Variants in ENTREP2 observed in about 807,000 individuals in gnomAD.
The protein encoded by ENTREP2 is endosomal transmembrane epsin interactor 2, also known as protein ENTREP2.
chr15:29,583,040 T>C, the ENTREP2 span, among the ~76,000 whole-genome samples: 4 of 152,196 alleles, frequency 2.6e-5, no homozygotes, highest in South Asian at 6.2e-4. Flanking sequence ...CCAAAATATA[T>C]TGGAATAAAA....
chr15:29,663,294 C>A, the ENTREP2 span, among the ~76,000 whole-genome samples: 4 of 151,968 alleles, frequency 2.6e-5, no homozygotes, highest in East Asian at 4.0e-4. Context: ...CCAAGGCGGG[C>A]GGATCACCTG....
chr15:29,286,015 TAACAA>T, the ENTREP2 span, among the ~76,000 whole-genome samples: 87 of 152,256 alleles, frequency 5.7e-4, 1 homozygote, highest in African/African-American at 1.9e-3. Context: ...TTTTTTAAAC[TAACAA>T]AACAAAATTT....
chr15:29,669,429 C>T, the ENTREP2 span, among the ~76,000 whole-genome samples: 1 of 152,190 alleles, frequency 6.6e-6, no homozygotes, highest in Non-Finnish European at 1.5e-5. Flanking sequence ...TGGGACTCTA[C>T]AGAGTCCCCA....
the ENTREP2 span, among the ~76,000 whole-genome samples, chr15:29,387,725 C>T: frequency 1.3e-5 from 2 of 152,164 alleles, no homozygotes; most frequent in Non-Finnish European, 2.9e-5. Flanking sequence ...AACTATACTA[C>T]AAGGCTACAG....
the ENTREP2 span, among the ~76,000 whole-genome samples, chr15:29,248,325 G>T: frequency 1.5e-4 from 23 of 151,924 alleles, no homozygotes; most frequent in Non-Finnish European, 2.8e-4. Flanking sequence ...TGATTCTAAG[G>T]TAAGATTACA....
the ENTREP2 span, among the ~76,000 whole-genome samples, chr15:29,303,552 T>C: frequency 6.6e-6 from 1 of 152,106 alleles, no homozygotes; most frequent in Non-Finnish European, 1.5e-5. Context: ...CTAAATGGCA[T>C]GTTGTTGGGG....
the ENTREP2 span, chr15:29,376,532 C>T: frequency 6.7e-6 from 1 of 149,546 alleles, no homozygotes; most frequent in Non-Finnish European, 1.5e-5. Context: ...TAGAAAGGCA[C>T]TTATAAAACA....
the ENTREP2 span, among the ~76,000 whole-genome samples, chr15:29,463,681 G>C: frequency 6.6e-6 from 1 of 152,124 alleles, no homozygotes; most frequent in African/African-American, 2.4e-5. Context: ...TGATTTCCAT[G>C]TGACACAGCA....
chr15:29,537,379 A>G, the ENTREP2 span, among the ~76,000 whole-genome samples: 1 of 152,174 alleles, frequency 6.6e-6, no homozygotes, highest in Admixed American at 6.5e-5. Context: ...ATATACAACC[A>G]AAAGCACACA....
chr15:29,505,617 G>T, the ENTREP2 span, among the ~76,000 whole-genome samples: 1 of 152,200 alleles, frequency 6.6e-6, no homozygotes, highest in Non-Finnish European at 1.5e-5. The surrounding 1 kb of genome is among the most constrained non-coding windows in gnomAD (Gnocchi z 4.3). Flanking sequence ...GGCAAACAGG[G>T]TCTGGAGTGG....
the ENTREP2 span, among the ~76,000 whole-genome samples, chr15:29,315,492 A>G: frequency 6.6e-6 from 1 of 152,246 alleles, no homozygotes; most frequent in South Asian, 2.1e-4. Context: ...AGTAGTACTG[A>G]TAAATCCAGA....
chr15:29,285,125 T>C, the ENTREP2 span, among the ~76,000 whole-genome samples: 1 of 152,202 alleles, frequency 6.6e-6, no homozygotes, highest in East Asian at 1.9e-4. Flanking sequence ...CTACGTTTTC[T>C]CAATTTCAAA....
the ENTREP2 span, chr15:29,268,872 C>A: frequency 2.5e-6 from 4 of 1,614,136 alleles, no homozygotes; most frequent in Non-Finnish European, 3.4e-6. Flanking sequence ...ACTGCGCTGG[C>A]CAGTCCTTGG....
At chr15:29,185,395 T>C in the ENTREP2 span, among the ~76,000 whole-genome samples, 1 of 152,174 alleles carries the variant, frequency 6.6e-6, no homozygotes, top group Non-Finnish European at 1.5e-5. Context: ...CTCACTTACC[T>C]GTCATGAAAA....
the ENTREP2 span, among the ~76,000 whole-genome samples, chr15:29,657,097 G>C: frequency 6.6e-6 from 1 of 152,126 alleles, no homozygotes; most frequent in African/African-American, 2.4e-5. Context: ...CCTCACGCCA[G>C]AGGGCAGTGG....
chr15:29,281,597 G>C, the ENTREP2 span, among the ~76,000 whole-genome samples: 7 of 152,236 alleles, frequency 4.6e-5, no homozygotes, highest in African/African-American at 1.7e-4. Flanking sequence ...TGGCAGAGGG[G>C]AAAGCTGGAA....
chr15:29,662,174 G>T, the ENTREP2 span, among the ~76,000 whole-genome samples: 1 of 130,688 alleles, frequency 7.7e-6, no homozygotes, highest in South Asian at 2.4e-4. Context: ...TCGTGCAACC[G>T]CATTCCAGCC....
the ENTREP2 span, among the ~76,000 whole-genome samples, chr15:29,358,014 G>A: frequency 6.6e-6 from 1 of 152,014 alleles, no homozygotes. Context: ...AGTTGCTTTG[G>A]GAAAACCATG....
chr15:29,252,890 C>T, the ENTREP2 span, among the ~76,000 whole-genome samples: 1 of 152,200 alleles, frequency 6.6e-6, no homozygotes, highest in African/African-American at 2.4e-5. Flanking sequence ...ACATGCAAAA[C>T]CAAAGAAAAC....
Sources: allele counts gnomAD v4.1 joint callset (sites outside exome capture counted in the v4.1 genomes callset), GRCh38; gene constraint gnomAD v4.1.1; non-coding constraint Gnocchi (gnomAD v3.1); transcripts MANE v1.5; gene names NCBI Gene and HGNC (gene_info 2026-07-23, HGNC 2026-07-21).